Variants in DMD observed in about 807,000 individuals in gnomAD.
DMD encodes mutant dystrophin.
Under a neutral mutation model 330.1 loss-of-function variants are expected in DMD, and 63 were observed. The observed-to-expected ratio is 0.19, with a 90% CI of 0.16 to 0.24. The LOEUF is 0.24. Ranked by LOEUF, DMD falls within the 10% of genes least tolerant of loss-of-function variation. The pLI is 1.00. For synonymous variants in DMD, 1,223 were observed against 959.8 expected (o/e 1.27, Z -5.07); for missense variants, 3,344 against 2,684.1 (o/e 1.25, Z -5.43).
chrX:32,670,628 A>T (rs1426374395), intron 9 of DMD, among the ~76,000 whole-genome samples: 1 of 112,123 alleles, frequency 8.9e-6, no homozygotes, highest in Non-Finnish European at 1.9e-5. Context: ...CAACAGTGAT[A>T]ACATGTATAT....
At chrX:33,233,171 T>C (rs1018641924) in intron 1 of DMD, among the ~76,000 whole-genome samples, 8 of 112,092 alleles carry the variant, frequency 7.1e-5, no homozygotes, top group Admixed American at 9.5e-5. Flanking sequence ...CAAAGCACCA[T>C]ATTGTAACCT....
chrX:31,611,426 T>C (rs184463148), intron 55 of DMD, among the ~76,000 whole-genome samples: 41 of 111,249 alleles, frequency 3.7e-4, no homozygotes, highest in African/African-American at 1.3e-3. Flanking sequence ...ATAAGATATT[T>C]TGCACTCTCT....
intron 52 of DMD, among the ~76,000 whole-genome samples, chrX:31,699,034 C>A (rs979179065): frequency 5.4e-5 from 6 of 111,731 alleles, no homozygotes; most frequent in African/African-American, 2.0e-4. Context: ...ACACTGTTTA[C>A]TCCTCTATTA....
chrX:32,287,652 T>G lies in DMD; in HGVS notation c.6167A>C (p.His2056Pro), dbSNP rs1223831132. The change falls in exon 43 of 79, where the codon CAT becomes CCT. Residue 2056 changes from histidine (H) to proline (P), a missense_variant. By Grantham distance (77) the His-to-Pro change is moderately conservative. Coordinates refer to ENST00000357033, the MANE Select transcript of DMD (RefSeq NM_004006.3). The stretch of plus-strand genomic sequence containing the variant: ...TTGCAATGCTGCTGTCTTCTTGCTA[T>G]GAATAATGTCAATCCGACCTGAGCT... ...QQSSGRIDIIHSKKTAALQSA... is the reference protein window; with the variant it reads ...QQSSGRIDIIPSKKTAALQSA... 2.5e-6 allele frequency: 3 copies of G among 1,210,630 alleles called. No homozygotes were observed. The highest frequency in any genetic ancestry group is 4.4e-5 in the Admixed American group (2 of 45,972).
intron 47 of DMD, among the ~76,000 whole-genome samples, chrX:31,923,905 A>G (rs1273100440): frequency 1.8e-5 from 2 of 111,724 alleles, no homozygotes; most frequent in East Asian, 5.6e-4. Flanking sequence ...CCGTTTTCTT[A>G]TATAATAGCG....
chrX:31,702,378 AT>A (rs2083874075), intron 52 of DMD, among the ~76,000 whole-genome samples: 1 of 112,232 alleles, frequency 8.9e-6, no homozygotes, highest in Non-Finnish European at 1.9e-5. Flanking sequence ...TAGCCAACAT[AT>A]CCAAACTGGA....
chrX:31,846,666 A>T (rs982743925), intron 48 of DMD, among the ~76,000 whole-genome samples: 2 of 111,800 alleles, frequency 1.8e-5, no homozygotes, highest in African/African-American at 6.5e-5. Context: ...CCTTTAGAAA[A>T]TGAACAGAAA....
chrX:31,386,041 C>T (rs1374594435), intron 60 of DMD, among the ~76,000 whole-genome samples: 1 of 112,277 alleles, frequency 8.9e-6, no homozygotes, highest in Admixed American at 9.4e-5. Flanking sequence ...GAATACTATG[C>T]AGCCATAAAA....
intron 50 of DMD, among the ~76,000 whole-genome samples, chrX:31,803,824 C>T (rs769810007): frequency 2.3e-4 from 25 of 110,457 alleles, no homozygotes; most frequent in Admixed American, 8.6e-4. Flanking sequence ...CTCAGCCTCC[C>T]GAGTAGCTGG....
At chrX:31,710,660 T>A (rs1167776317) in intron 52 of DMD, among the ~76,000 whole-genome samples, 1 of 111,604 alleles carries the variant, frequency 9.0e-6, no homozygotes, top group Non-Finnish European at 1.9e-5. Context: ...TGTAAAATAA[T>A]AGTTTGAATT....
intron 19 of DMD, among the ~76,000 whole-genome samples, chrX:32,501,145 T>C (rs1177055955): frequency 8.9e-6 from 1 of 111,876 alleles, no homozygotes; most frequent in Non-Finnish European, 1.9e-5. Context: ...CACTGAGTAT[T>C]AGAAAAGATT....
At chrX:32,861,572 G>A (rs930782253) in intron 2 of DMD, among the ~76,000 whole-genome samples, 4 of 111,510 alleles carry the variant, frequency 3.6e-5, no homozygotes, top group African/African-American at 1.3e-4. Context: ...ATAGAGAAGT[G>A]TCACTACTAC....
chrX:32,381,723 T>G lies in DMD; in HGVS notation c.4675-1043A>C, dbSNP rs759933208. The stretch of plus-strand genomic sequence containing the variant: ...AGTTAGAAAATATAACTGGTAGAAT[T>G]TACATAAAGAGTTTATACTCTTACA... On this transcript the variant is annotated intron_variant, in intron 33 of 78. Transcript: ENST00000357033. Among the ~76,000 whole-genome samples the G allele has an allele frequency of 7.2e-5, 8 of 111,510 alleles. No homozygotes were observed. In the South Asian group the frequency reaches 2.9e-3, roughly 41 times the overall value.
At chrX:31,344,833 A>T (rs1417634817) in intron 61 of DMD, among the ~76,000 whole-genome samples, 1 of 110,274 alleles carries the variant, frequency 9.1e-6, no homozygotes, top group Non-Finnish European at 1.9e-5. Context: ...ACAAAAAAAT[A>T]AAAAAATAAA....
At chrX:32,885,822 A>AG (rs1230501295) in intron 2 of DMD, among the ~76,000 whole-genome samples, 3,212 of 43,003 alleles carry the variant, frequency 0.075, 113 homozygotes, top group South Asian at 0.36. Context: ...GTTTCCCTTG[A>AG]GGGGGAAAAA....
intron 1 of DMD, among the ~76,000 whole-genome samples, chrX:33,041,213 A>T (rs1439181013): frequency 8.8e-6 from 1 of 113,511 alleles, no homozygotes; most frequent in Non-Finnish European, 1.9e-5. Flanking sequence ...TTCACACCTG[A>T]GTACTCAATC....
chrX:32,655,657 G>A (rs928899318), intron 9 of DMD, among the ~76,000 whole-genome samples: 5 of 111,824 alleles, frequency 4.5e-5, no homozygotes, highest in East Asian at 5.7e-4. Context: ...TATGAGGTCC[G>A]CTTGTTGCAG....
intron 29 of DMD, among the ~76,000 whole-genome samples, chrX:32,425,960 C>A (rs2148066605): frequency 8.9e-6 from 1 of 111,774 alleles, no homozygotes; most frequent in Non-Finnish European, 1.9e-5. Flanking sequence ...AAACCTTACA[C>A]CATATACAAA....
At chrX:32,440,239 T>A (rs1433502821) in intron 28 of DMD, among the ~76,000 whole-genome samples, 1 of 111,912 alleles carries the variant, frequency 8.9e-6, no homozygotes, top group Non-Finnish European at 1.9e-5. Context: ...CTTCTCTGAA[T>A]ACGACAAATT....
Sources: allele counts gnomAD v4.1 joint callset (sites outside exome capture counted in the v4.1 genomes callset), GRCh38; gene constraint gnomAD v4.1.1; transcripts MANE v1.5; gene names NCBI Gene and HGNC (gene_info 2026-07-23, HGNC 2026-07-21).